Variants in PTPRF observed in about 807,000 individuals in gnomAD.
PTPRF encodes the protein protein tyrosine phosphatase receptor type F.
PTPRF carries 59 observed loss-of-function variants against 201.8 expected under a neutral mutation model. The ratio of observed to expected loss-of-function variants is 0.29; its 90% CI spans 0.24 to 0.36. PTPRF has a LOEUF of 0.36. Among genes scored for constraint, PTPRF ranks in the 10% least tolerant of loss-of-function variants. The probability of loss-of-function intolerance (pLI) is 1.00; values close to 1 mark genes in which losing one functional copy is unlikely to be tolerated. For synonymous variants in PTPRF, 1,088 were observed against 1,089.7 expected (o/e 1.00, Z 0.03); for missense variants, 2,132 against 2,690.5 (o/e 0.79, Z 4.59).
At position 43,620,842 on chromosome 1, in the gene PTPRF, G is replaced by A; in HGVS notation, c.5369G>A (p.Gly1790Glu). The change falls in exon 32 of 34, where the codon GGG (glycine) becomes GAG (glutamate). Residue 1790 changes from glycine (G) to glutamate (E), a missense_variant. Gly to Glu is a moderately conservative substitution (Grantham distance 98). Transcript: ENST00000359947. The stretch of plus-strand genomic sequence containing the variant: ...TACCCCACCCACCTTTCCCAGGATG[G>A]GCAGTCAAGGACAATCCGGCAGTTC... ...REFKVTDARDGQSRTIRQFQF... is the reference protein window; with the variant it reads ...REFKVTDARDEQSRTIRQFQF... The A allele has an allele frequency of 1.2e-6, 2 of 1,610,634 alleles. No homozygotes were observed. The highest frequency in any genetic ancestry group is 1.7e-6 in the Non-Finnish European group (2 of 1,178,094).
chr1:43,616,590 G>C (rs1657919088), intron 23 of PTPRF, among the ~76,000 whole-genome samples: 1 of 151,956 alleles, frequency 6.6e-6, no homozygotes, highest in Non-Finnish European at 1.5e-5. Context: ...GGTGGAGGCC[G>C]GAGGAATTTT....
chr1:43,605,420 T>C lies in PTPRF; in HGVS notation c.3366T>C (p.His1122=). The part of the protein sequence containing the change: ...EDGRFDLSMP[H]VQDPSLVRWF... ...GCCGCTTCGATCTCTCCATGCCCCA[T>C]GTGCAAGACCCCTCGCTTGTCAGGT... The change falls in exon 18 of 34, where the codon CAT becomes CAC. Residue 1122 remains histidine (H), a synonymous_variant. Coordinates refer to ENST00000359947, the MANE Select transcript of PTPRF (RefSeq NM_002840.5). 1 of 1,610,216 alleles carries C rather than the reference T, an allele frequency of 6.2e-7. No homozygotes were observed. The highest frequency in any genetic ancestry group is 8.5e-7 in the Non-Finnish European group (1 of 1,176,756).
intron 20 of PTPRF, 121 bp from the exon 21 acceptor site, chr1:43,606,693 G>A (rs2154026719): frequency 1.4e-6 from 2 of 1,386,260 alleles, no homozygotes; most frequent in South Asian, 1.3e-5. Context: ...CCACCTTGTA[G>A]GGTCTGGGAG....
At chr1:43,539,681 A>G (rs945674127) in intron 2 of PTPRF, among the ~76,000 whole-genome samples, 8 of 152,104 alleles carry the variant, frequency 5.3e-5, no homozygotes, top group Admixed American at 2.6e-4. Flanking sequence ...GGGTGGGTGT[A>G]GGGACACTAT....
rs1659408711 is a variant in PTPRF at position 43,622,423 on chromosome 1, G to A, written c.*420G>A. The stretch of plus-strand genomic sequence containing the variant: ...CGTATCTGCAGAATGGGCCACTGTA[G>A]GGGTTGGGGTTTATTTTGTTTTGTT... On this transcript the variant is annotated 3_prime_UTR_variant, in exon 34 of 34. Transcript: ENST00000359947. 3 of 170,556 alleles carry A rather than the reference G, an allele frequency of 1.8e-5. No homozygotes were observed. The South Asian group carries it at 5.1e-4, about 29-fold the overall frequency. The allele number at this position is 170,556 out of a possible 1,614,324, so 10.6% of individuals were successfully genotyped here.
Position 43,619,493 on chromosome 1 carries a change from C to G in PTPRF, c.4852C>G (p.Arg1618Gly). ...GTGCGGCCACACAGAGGTGCCTGCC[C>G]GCAACCTGTATGCCCACATCCAGAA... Reference protein sequence around the residue: ...ATCGHTEVPARNLYAHIQKLG... With the variant: ...ATCGHTEVPAGNLYAHIQKLG... The change falls in exon 28 of 34, where the codon CGC becomes GGC. Residue 1618 changes from arginine (R) to glycine (G), a missense_variant. Around this residue, in one of 6 missense-constraint regions of PTPRF, gnomAD observed 519 missense variants for 659.5 expected, o/e 0.79. Coordinates refer to ENST00000359947, the MANE Select transcript of PTPRF (RefSeq NM_002840.5). 2 of 1,614,022 alleles carry G rather than the reference C, an allele frequency of 1.2e-6. No homozygotes were observed. Among genetic ancestry groups the G allele is most frequent in the Non-Finnish European group, 1.7e-6 (2 of 1,180,024 alleles).
chr1:43,531,306 C>T (rs1287953392), intron 1 of PTPRF, among the ~76,000 whole-genome samples: 1 of 149,238 alleles, frequency 6.7e-6, no homozygotes, highest in Admixed American at 6.6e-5. Flanking sequence ...CCGCTCACCC[C>T]GCGGCAGACG....
chr1:43,605,923 A>G (rs923499152), intron 19 of PTPRF, among the ~76,000 whole-genome samples: 9 of 152,182 alleles, frequency 5.9e-5, no homozygotes, highest in East Asian at 1.9e-4. Flanking sequence ...TCTAGAAGCT[A>G]TGGAGGGCTT....
chr1:43,611,490 G>A (rs1656437262), intron 22 of PTPRF, among the ~76,000 whole-genome samples: 1 of 152,190 alleles, frequency 6.6e-6, no homozygotes, highest in Non-Finnish European at 1.5e-5. Context: ...AGAGAAGACT[G>A]GAGGGCTAGG....
Position 43,623,282 on chromosome 1 carries a change from C to T in PTPRF, c.*1279C>T, listed in dbSNP as rs1422640136. ...GCTCTTTTCCACTCCAAGATGCCCTCATAAACCAATGTGGCAAGACTACTG... is the reference window on the plus strand; with the variant it reads ...GCTCTTTTCCACTCCAAGATGCCCTTATAAACCAATGTGGCAAGACTACTG... On this transcript the variant is annotated 3_prime_UTR_variant, in exon 34 of 34. Coordinates refer to ENST00000359947, the MANE Select transcript of PTPRF (RefSeq NM_002840.5). The T allele has an allele frequency of 6.5e-6, 1 of 152,690 alleles. No homozygotes were observed. The highest frequency in any genetic ancestry group is 2.4e-5 in the African/African-American group (1 of 41,454). 9.5% of individuals were successfully genotyped at this position (152,690 alleles called of 1,614,324 possible). A position where few individuals can be genotyped will look rare whatever the true frequency, so the allele number is the denominator to read the frequency against.
intron 5 of PTPRF, among the ~76,000 whole-genome samples, chr1:43,560,270 C>T (rs569943876): frequency 8.0e-5 from 12 of 149,838 alleles, no homozygotes; most frequent in Non-Finnish European, 1.3e-4. Flanking sequence ...TGTGTACATG[C>T]GCACACGCAA....
intron 9 of PTPRF, 23 bp downstream of exon 9, chr1:43,591,576 G>A (rs749946317): frequency 2.2e-4 from 332 of 1,534,884 alleles, no homozygotes; most frequent in Admixed American, 3.1e-4. Flanking sequence ...ATGCCGGCTG[G>A]GCAGCCAACA....
intron 5 of PTPRF, among the ~76,000 whole-genome samples, chr1:43,562,001 G>T (rs1645839512): frequency 6.6e-6 from 1 of 152,190 alleles, no homozygotes. Flanking sequence ...ATGGCTCTGG[G>T]AACAGGCTCA....
chr1:43,602,295 C>T (rs1182334386), intron 14 of PTPRF, among the ~76,000 whole-genome samples, 198 bp downstream of exon 14: 1 of 152,232 alleles, frequency 6.6e-6, no homozygotes, highest in Non-Finnish European at 1.5e-5. Context: ...TACTTCTTGC[C>T]TGTCGAGCAG....
upstream of PTPRF, among the ~76,000 whole-genome samples, chr1:43,526,619 G>A (rs776157257): frequency 1.2e-4 from 18 of 152,154 alleles, no homozygotes; most frequent in Non-Finnish European, 2.5e-4. Flanking sequence ...GAAGAGAGGG[G>A]CAGGGGAACA....
intron 11 of PTPRF, among the ~76,000 whole-genome samples, chr1:43,596,810 G>A (rs905595827): frequency 1.3e-5 from 2 of 152,214 alleles, no homozygotes; most frequent in Admixed American, 6.5e-5. Context: ...ATGTGATATC[G>A]TGTATGTTTT....
chr1:43,579,367 T>C (rs1254633703), intron 7 of PTPRF: 1 of 380,648 alleles, frequency 2.6e-6, no homozygotes, highest in Non-Finnish European at 5.3e-6. Context: ...CCACCATGGC[T>C]CTGGGCTTTG....
intron 2 of PTPRF, among the ~76,000 whole-genome samples, chr1:43,539,947 G>A (rs1488488682): frequency 2.6e-5 from 4 of 152,332 alleles, no homozygotes; most frequent in Non-Finnish European, 4.4e-5. Flanking sequence ...GTTAAGCCAG[G>A]TTGGAGCTTC....
intron 11 of PTPRF, among the ~76,000 whole-genome samples, chr1:43,592,994 A>G (rs756222930): frequency 6.6e-6 from 1 of 151,480 alleles, no homozygotes; most frequent in African/African-American, 2.4e-5. Context: ...TCTCCTCCCT[A>G]TGGCCCCGCA....
Sources: allele counts gnomAD v4.1 joint callset (sites outside exome capture counted in the v4.1 genomes callset), GRCh38; gene constraint gnomAD v4.1.1; regional missense constraint gnomAD v4.1.1; transcripts MANE v1.5; gene names NCBI Gene and HGNC (gene_info 2026-07-23, HGNC 2026-07-21).